The following CYP4Z1 variants were observed in gnomAD, a reference collection of about 807,000 sequenced individuals.
CYP4Z1 encodes cytochrome P450 4Z1.
CYP4Z1 carries 41 observed loss-of-function variants against 54.2 expected under a neutral mutation model. That is an observed-to-expected ratio of 0.76 (90% CI 0.59 to 0.98). CYP4Z1 has a LOEUF of 0.98. CYP4Z1 is among the 50% of genes least tolerant of loss of function. The probability of loss-of-function intolerance (pLI) is 0.00; values close to 1 mark genes in which losing one functional copy is unlikely to be tolerated. For synonymous variants in CYP4Z1, 163 were observed against 206.2 expected (o/e 0.79, Z 1.79); for missense variants, 513 against 599.0 (o/e 0.86, Z 1.50).
At chr1:47,077,299 C>G (rs1022138055) in intron 2 of CYP4Z1, among the ~76,000 whole-genome samples, 22 of 152,110 alleles carry the variant, frequency 1.4e-4, no homozygotes, top group Admixed American at 9.8e-4. Flanking sequence ...ACTGTTATAT[C>G]TTCTTGATGG....
chr1:47,095,691 A>G (rs1557629187), intron 7 of CYP4Z1, among the ~76,000 whole-genome samples: 1 of 152,196 alleles, frequency 6.6e-6, no homozygotes, highest in Non-Finnish European at 1.5e-5. Flanking sequence ...TAAGGAAGAG[A>G]AATTGTGGCT....
rs556676057 is a variant in CYP4Z1 at position 47,089,820 on chromosome 1, G to A, written c.773-4746G>A. On this transcript the variant is annotated intron_variant, in intron 6 of 11. Coordinates refer to ENST00000334194, the MANE Select transcript of CYP4Z1 (RefSeq NM_178134.3). ...ACACAACGCCCCTTTTCAGCAGGCA[G>A]TAGCAAGAAAGAATTGTCGTCCAAT... Among the ~76,000 whole-genome samples, 11 of 152,384 alleles carry A rather than the reference G, an allele frequency of 7.2e-5. 1 individual carries two copies. In the East Asian group the frequency reaches 2.1e-3, roughly 29 times the overall value.
rs778352142 is a variant in CYP4Z1, at chr1:47,084,880, G to A, written c.674G>A (p.Arg225His). ...VFNLSKISNQRMNNFLHHNDL... is the reference protein window; with the variant it reads ...VFNLSKISNQHMNNFLHHNDL... ...AACCTTAGCAAAATCTCCAACCAGC[G>A]CATGAACAATTTTCTACATCACAAC... Residue 225 changes from arginine to histidine, a missense_variant, in exon 6 of 12, where the codon CGC becomes CAC. Physicochemically the swap from Arg to His is conservative, Grantham distance 29 (BLOSUM62 0). Transcript: ENST00000334194. The A allele has an allele frequency of 1.8e-5, 28 of 1,535,686 alleles. No individual in the cohort carries two copies. Among genetic ancestry groups the A allele is most frequent in the Non-Finnish European group, 2.3e-5 (26 of 1,143,662 alleles).
chr1:47,076,611 C>A (rs1390111018), intron 2 of CYP4Z1, among the ~76,000 whole-genome samples: 3 of 151,732 alleles, frequency 2.0e-5, no homozygotes, highest in Non-Finnish European at 4.4e-5. Flanking sequence ...TTTGGGAGGC[C>A]GAGGCGGGTG....
At chr1:47,113,388 G>A (rs1293784497) in intron 9 of CYP4Z1, among the ~76,000 whole-genome samples, 1 of 152,058 alleles carries the variant, frequency 6.6e-6, no homozygotes, top group Non-Finnish European at 1.5e-5. Flanking sequence ...AATTCCCCAA[G>A]CATCCTAGGC....
upstream of CYP4Z1, among the ~76,000 whole-genome samples, chr1:47,066,277 T>C (rs1488043385): frequency 6.6e-6 from 1 of 151,760 alleles, no homozygotes; most frequent in Admixed American, 6.6e-5. Flanking sequence ...GATGCAAAAA[T>C]CCTCAATCAA....
At chr1:47,096,683 C>T (rs1316563364) in intron 7 of CYP4Z1, 1 of 149,158 alleles carries the variant, frequency 6.7e-6, no homozygotes. Context: ...GGCTGGAGTG[C>T]AGTGGCGCGA....
At position 47,106,155 on chromosome 1, in the gene CYP4Z1, C is replaced by A; in HGVS notation, c.1095C>A (p.Thr365=). The change falls in exon 9 of 12, where the codon ACC becomes ACA. Residue 365 remains threonine (T), a synonymous_variant. Transcript: ENST00000334194. ...TWEHLSQMPY[T]TMCIKECLRL... ...AACACCTGAGCCAGATGCCTTACAC[C>A]ACGATGTGCATCAAGGAATGCCTCC... 1 of 1,613,958 alleles carries A rather than the reference C, an allele frequency of 6.2e-7. No homozygotes were observed. The highest frequency in any genetic ancestry group is 1.3e-5 in the African/African-American group (1 of 75,046).
Position 47,076,987 on chromosome 1 carries a change from T to C in CYP4Z1, c.320-3636T>C, listed in dbSNP as rs369843609. ...CAATCTTTTTAAATTTATTGAGACT[T>C]TTTTTGTGACTTACCATATGATCTA... On this transcript the variant is annotated intron_variant, in intron 2 of 11. Coordinates refer to ENST00000334194, the MANE Select transcript of CYP4Z1 (RefSeq NM_178134.3). 1.7e-3 allele frequency among the ~76,000 whole-genome samples: 259 copies of C among 151,718 alleles called. 1 individual carries two copies. Among genetic ancestry groups the C allele is most frequent in the African/African-American group, 5.5e-3 (227 of 41,102 alleles).
At chr1:47,065,624 C>T (rs553811675), upstream of CYP4Z1, among the ~76,000 whole-genome samples, 1 of 151,952 alleles carries the variant, frequency 6.6e-6, no homozygotes, top group South Asian at 2.1e-4. Flanking sequence ...CCTCACAGAA[C>T]TGGAGAAAGA....
chr1:47,109,550 G>A (rs920878261), intron 9 of CYP4Z1, among the ~76,000 whole-genome samples: 1 of 151,968 alleles, frequency 6.6e-6, no homozygotes, highest in African/African-American at 2.4e-5. Context: ...CTTTATTCTG[G>A]CAGAGAAAAG....
chr1:47,114,704 A>G (rs985495975), intron 9 of CYP4Z1, among the ~76,000 whole-genome samples: 4 of 152,246 alleles, frequency 2.6e-5, no homozygotes, highest in Non-Finnish European at 5.9e-5. Context: ...AATGCTCATC[A>G]TCACTGGCCA....
At chr1:47,099,379 AG>A in intron 8 of CYP4Z1, 95 bp downstream of exon 8, 1 of 1,197,422 alleles carries the variant, frequency 8.4e-7, no homozygotes, top group Non-Finnish European at 1.1e-6. Flanking sequence ...GCATTGAGAT[AG>A]TCTGTATGCA....
chr1:47,104,086 A>G (rs572928554), intron 8 of CYP4Z1, among the ~76,000 whole-genome samples: 10 of 152,016 alleles, frequency 6.6e-5, no homozygotes, highest in Non-Finnish European at 1.0e-4. Flanking sequence ...GCTTTTTCCA[A>G]TTTTTTGAAT....
chr1:47,103,340 T>C (rs1644733427), intron 8 of CYP4Z1, among the ~76,000 whole-genome samples: 1 of 143,624 alleles, frequency 7.0e-6, no homozygotes, highest in South Asian at 2.2e-4. Flanking sequence ...CCACCATGCC[T>C]GGCTAATTTT....
intron 6 of CYP4Z1, among the ~76,000 whole-genome samples, chr1:47,085,688 T>C (rs570546866): frequency 7.2e-5 from 11 of 152,262 alleles, no homozygotes; most frequent in Admixed American, 1.3e-4. Context: ...TTTTTCTTTT[T>C]CTTTTCCTTT....
chr1:47,112,464 G>A (rs2148542283), intron 9 of CYP4Z1, among the ~76,000 whole-genome samples: 1 of 152,106 alleles, frequency 6.6e-6, no homozygotes, highest in East Asian at 1.9e-4. Context: ...GTTGTCCAGA[G>A]CATAGAAAAA....
intron 9 of CYP4Z1, among the ~76,000 whole-genome samples, chr1:47,114,862 T>C (rs1644818455): frequency 6.6e-6 from 1 of 152,212 alleles, no homozygotes; most frequent in African/African-American, 2.4e-5. Context: ...TGTAAACTAG[T>C]TCAACCATTG....
At chr1:47,094,271 T>G (rs1295857535) in intron 6 of CYP4Z1, among the ~76,000 whole-genome samples, 1 of 152,212 alleles carries the variant, frequency 6.6e-6, no homozygotes, top group African/African-American at 2.4e-5. Flanking sequence ...TGAATTAAAT[T>G]TATGTACCAA....
Sources: gnomAD v4.1 joint callset for allele counts (sites outside exome capture counted in the v4.1 genomes callset) on GRCh38, gnomAD v4.1.1 for gene constraint, MANE v1.5 for transcripts, NCBI Gene and HGNC (gene_info 2026-07-23, HGNC 2026-07-21) for gene names.